Variants in SDHA observed in about 807,000 individuals in gnomAD.
SDHA encodes the protein succinate dehydrogenase [ubiquinone] flavoprotein subunit, mitochondrial.
A neutral mutation model predicts 78.4 loss-of-function variants in SDHA; 48 were observed. The observed-to-expected ratio is 0.61, with a 90% CI of 0.49 to 0.78. The LOEUF is 0.78. SDHA is among the 30% of genes least tolerant of loss of function. The pLI, the probability that SDHA is intolerant of heterozygous loss-of-function variation, is 0.00. For synonymous variants in SDHA, 326 were observed against 353.9 expected, an observed-to-expected ratio of 0.92 and a Z score of 0.88; for missense variants, 680 against 892.7, an observed-to-expected ratio of 0.76 and a Z score of 3.04.
chr5:261,613 G>A (rs1207646148), downstream of SDHA, among the ~76,000 whole-genome samples: 7 of 73,728 alleles, frequency 9.5e-5, no homozygotes, highest in Non-Finnish European at 1.5e-4. Flanking sequence ...TCCGCCTCCC[G>A]TCACAGCATT....
intron 6 of SDHA, among the ~76,000 whole-genome samples, chr5:230,589 C>G (rs10074892): frequency 0.24 from 36,531 of 152,056 alleles, 6,844 homozygotes; most frequent in African/African-American, 0.52. Context: ...TCGCACCACT[C>G]TACTCCAGCC....
At chr5:229,136 G>A (rs948536680) in intron 6 of SDHA, among the ~76,000 whole-genome samples, 1 of 152,196 alleles carries the variant, frequency 6.6e-6, no homozygotes, top group African/African-American at 2.4e-5. Context: ...TGGTGAGGAT[G>A]TGGAGAAAAG....
In SDHA at chr5:225,653, G is replaced by C. The variant is rs12520059; in HGVS notation, c.456+91G>C. 0.48 allele frequency: 758,868 copies of C among 1,570,904 alleles called. 190,630 individuals carry two copies. Among genetic ancestry groups the C allele is most frequent in the South Asian group, 0.52 (46,763 of 89,996 alleles). The stretch of plus-strand genomic sequence containing the variant: ...AATGTAAGCAATTGAGGCGGATGTG[G>C]CAGCCAAAAGAATGGTGATGAGCAA... On this transcript the variant is annotated intron_variant, in intron 4 of 14. Transcript: ENST00000264932.
chr5:218,549 G>A, intron 1 of SDHA, 131 bp downstream of exon 1: 1 of 694,746 alleles, frequency 1.4e-6, no homozygotes, highest in Admixed American at 4.5e-5. Context: ...ATCGGGAAGG[G>A]GCTGAGAGAG....
At chr5:246,778 A>G (rs1041243864) in intron 11 of SDHA, among the ~76,000 whole-genome samples, 16 of 152,202 alleles carry the variant, frequency 1.1e-4, no homozygotes, top group African/African-American at 3.9e-4. Flanking sequence ...TCTTCCACAT[A>G]CTAATTCATG....
Position 235,329 on chromosome 5 carries a change from A to G in SDHA, c.1250A>G (p.Tyr417Cys), listed in dbSNP as rs528628545. The change falls in exon 9 of 15, where the codon TAC (tyrosine) becomes TGC (cysteine). Residue 417 changes from tyrosine (Y) to cysteine (C), a missense_variant. Physicochemically the swap from Tyr to Cys is radical, Grantham distance 194. Transcript: ENST00000264932. ...HYNMGGIPTNYKGQVLRHVNG... is the reference protein window; with the variant it reads ...HYNMGGIPTNCKGQVLRHVNG... Reference sequence around the variant, plus strand: ...AACATGGGCGGCATTCCCACCAACTACAAGGGGCAGGTGATGGTGCTGGCT... The same window carrying G: ...AACATGGGCGGCATTCCCACCAACTGCAAGGGGCAGGTGATGGTGCTGGCT... The G allele has an allele frequency of 5.6e-6, 9 of 1,614,116 alleles. No individual in the cohort carries two copies. The highest frequency in any genetic ancestry group is 4.5e-5 in the East Asian group (2 of 44,872).
chr5:222,177 C>T (rs1734754020), intron 1 of SDHA, among the ~76,000 whole-genome samples: 1 of 151,908 alleles, frequency 6.6e-6, no homozygotes, highest in African/African-American at 2.4e-5. Context: ...AAGAAAAAAG[C>T]TGAATTAGCT....
In SDHA at chr5:223,577, A is replaced by G. The variant is rs1553997201; in HGVS notation, c.150+9A>G. The G allele has an allele frequency of 6.2e-7, 1 of 1,606,214 alleles. No individual in the cohort carries two copies. The highest frequency in any genetic ancestry group is 8.5e-7 in the Non-Finnish European group (1 of 1,172,790). ...CTAAAGTTTCAGATTCCGTAAGTTC[A>G]TGCTTTTTGTTCCATTATAAATGAT... is the stretch of plus-strand genomic sequence containing the variant. On this transcript the variant is annotated intron_variant, in intron 2 of 14. Transcript: ENST00000264932.
At chr5:239,119 T>TGCAGAACCTCAAGAGACCCACAGCCTGGG (rs1735970370) in intron 10 of SDHA, among the ~76,000 whole-genome samples, 5 of 140,038 alleles carry the variant, frequency 3.6e-5, no homozygotes, top group South Asian at 4.4e-4. Context: ...CATAGCCTGG[T>TGCAGAACCTCAAGAGACCCACAGCCTGGG]CCTGTGGAGA....
At chr5:263,365 G>A in the SDHA span, among the ~76,000 whole-genome samples, 1 of 152,166 alleles carries the variant, frequency 6.6e-6, no homozygotes, top group Non-Finnish European at 1.5e-5. Flanking sequence ...CATGTGATGG[G>A]GGCCTCAGCA....
chr5:228,477 T>G, intron 6 of SDHA, 144 bp downstream of exon 6: 1 of 932,614 alleles, frequency 1.1e-6, no homozygotes, highest in Non-Finnish European at 1.6e-6. Context: ...GTGATGGCCT[T>G]TCCCAGCCGT....
Position 254,438 on chromosome 5 carries a change from C to G in SDHA, c.1840C>G (p.Gln614Glu). 2 of 1,601,566 alleles carry G rather than the reference C, an allele frequency of 1.2e-6. No homozygotes were observed. The highest frequency in any genetic ancestry group is 1.7e-6 in the Non-Finnish European group (2 of 1,174,254). The change falls in exon 14 of 15, where the codon CAG becomes GAG. Residue 614 changes from glutamine to glutamate, a missense_variant. By Grantham distance (29) the Gln-to-Glu change is conservative. Coordinates refer to ENST00000264932, the MANE Select transcript of SDHA (RefSeq NM_004168.4). ...TTACTCCAAGCCCATCCAGGGGCAACAGAAGAAGCCCTTTGAGGAGCACTG... is the reference window on the plus strand; with the variant it reads ...TTACTCCAAGCCCATCCAGGGGCAAGAGAAGAAGCCCTTTGAGGAGCACTG... ...YDYSKPIQGQ[Q>E]KKPFEEHWRK... is the part of the protein sequence containing the mutation.
intron 11 of SDHA, among the ~76,000 whole-genome samples, chr5:247,982 A>T (rs1033298676): frequency 1.8e-4 from 26 of 140,656 alleles, no homozygotes; most frequent in African/African-American, 8.2e-4. Flanking sequence ...CCCATATGCA[A>T]TTGAATCGCA....
intron 1 of SDHA, among the ~76,000 whole-genome samples, chr5:223,199 T>C (rs1204344153): frequency 6.6e-6 from 1 of 152,250 alleles, no homozygotes; most frequent in Non-Finnish European, 1.5e-5. Flanking sequence ...GCCTTTTTCA[T>C]TTCGTATCTG....
rs1362308009 is a variant in SDHA at position 251,838 on chromosome 5, A to G, written c.1794+370A>G. 18 of 953,618 alleles carry G rather than the reference A, an allele frequency of 1.9e-5. No individual in the cohort carries two copies. In the Admixed American group the frequency reaches 6.0e-4, roughly 32 times the overall value. 59.1% of individuals were successfully genotyped at this position (953,618 alleles called of 1,614,324 possible). On this transcript the variant is annotated intron_variant, in intron 13 of 14. Transcript: ENST00000264932. The stretch of plus-strand genomic sequence containing the variant: ...TGCCCTGTGGAGGAAATGCCAGTTT[A>G]TTAAATAACGAGTAAGCCACCGTTT...
At chr5:259,825 C>A (rs374589363), downstream of SDHA, among the ~76,000 whole-genome samples, 126 of 11,426 alleles carry the variant, frequency 0.011, no homozygotes, top group Admixed American at 0.019. Context: ...GCCTCCCGTC[C>A]GAGCATTACC....
chr5:264,008 C>T, the SDHA span, among the ~76,000 whole-genome samples: 7 of 152,238 alleles, frequency 4.6e-5, no homozygotes, highest in East Asian at 1.3e-3. Context: ...AACATTAATT[C>T]GTACAGTGGG....
At chr5:249,689 T>C (rs1383879471) in intron 11 of SDHA, 1 of 152,316 alleles carries the variant, frequency 6.6e-6, no homozygotes, top group East Asian at 1.9e-4. Flanking sequence ...CTCTGAAGGC[T>C]GTAAGACCCC....
At chr5:218,686 G>T (rs1430234400) in intron 1 of SDHA, among the ~76,000 whole-genome samples, 1 of 152,070 alleles carries the variant, frequency 6.6e-6, no homozygotes, top group Non-Finnish European at 1.5e-5. Flanking sequence ...CCCCTCCGCC[G>T]CCTTGGTCCG....
Sources: allele counts gnomAD v4.1 joint callset (sites outside exome capture counted in the v4.1 genomes callset), GRCh38; gene constraint gnomAD v4.1.1; transcripts MANE v1.5; gene names NCBI Gene and HGNC (gene_info 2026-07-23, HGNC 2026-07-21).